Variants in WDR45B observed in about 807,000 individuals in gnomAD.
WDR45B encodes the protein WD repeat domain 45B.
WDR45B carries 20 observed loss-of-function variants against 44.6 expected under a neutral mutation model. That is an observed-to-expected ratio of 0.45 (90% CI 0.32 to 0.65). WDR45B has a LOEUF of 0.65. WDR45B is among the 30% of genes least tolerant of loss of function. WDR45B has a pLI of 0.05. For missense variants in WDR45B, 323 were observed against 430.2 expected (o/e 0.75, Z 2.20); for synonymous variants, 169 against 164.9 (o/e 1.02, Z -0.19).
chr17:82,616,477 C>A, intron 9 of WDR45B, 47 bp downstream of exon 9: 1 of 1,612,170 alleles, frequency 6.2e-7, no homozygotes, highest in East Asian at 2.2e-5. Context: ...GTGGATGGAG[C>A]CCAGGTGGGG....
In WDR45B at chr17:82,617,879, C is replaced by T. The variant is rs187946155; in HGVS notation, c.705-482G>A. 8.6e-3 allele frequency among the ~76,000 whole-genome samples: 1,309 copies of T among 152,124 alleles called. 8 individuals carry two copies. Among genetic ancestry groups the T allele is most frequent in the South Asian group, 0.031 (147 of 4,794 alleles). On this transcript the variant is annotated intron_variant, in intron 7 of 9. Transcript: ENST00000392325. ...GGATGTGCTATGCACACCACAAGGC[C>T]CAGGACCTCACAGATAAAGCTGCCG...
intron 4 of WDR45B, 118 bp downstream of exon 4, chr17:82,627,086 G>A: frequency 2.3e-6 from 2 of 866,186 alleles, no homozygotes; most frequent in South Asian, 1.3e-5. Context: ...TAAAAACCAG[G>A]ACCAACATTT....
intron 2 of WDR45B, among the ~76,000 whole-genome samples, chr17:82,633,811 T>G (rs1173677563): frequency 2.0e-5 from 3 of 151,928 alleles, no homozygotes; most frequent in African/African-American, 4.8e-5. Flanking sequence ...GGCCAGGAGT[T>G]TAAGATCAGC....
Position 82,625,476 on chromosome 17 carries a change from C to T in WDR45B, c.340G>A (p.Val114Met). ...AVKLRRDRIV[V>M]VLDSMIKVFT... ...ACCTTAATCATGGAGTCCAAAACCA[C>T]CACAATTCTGGAAAGAAAAACATGA... is the stretch of plus-strand genomic sequence containing the variant. The change falls in exon 5 of 10, where the codon GTG becomes ATG. Residue 114 changes from valine (V) to methionine (M), a missense_variant. Physicochemically the swap from Val to Met is conservative, Grantham distance 21. Transcript: ENST00000392325. 1.9e-6 allele frequency: 3 copies of T among 1,614,168 alleles called. No homozygotes were observed. Among genetic ancestry groups the T allele is most frequent in the Non-Finnish European group, 2.5e-6 (3 of 1,180,010 alleles).
At chr17:82,647,970 C>G (rs1237702254) in intron 1 of WDR45B, among the ~76,000 whole-genome samples, 5 of 141,610 alleles carry the variant, frequency 3.5e-5, no homozygotes, top group African/African-American at 1.0e-4. Context: ...GGTTCTGTGC[C>G]GTCTCCCACC....
At chr17:82,648,122 G>A in intron 1 of WDR45B, 152 bp downstream of exon 1, 1 of 887,220 alleles carries the variant, frequency 1.1e-6, no homozygotes, top group Non-Finnish European at 1.6e-6. Context: ...CGAGGGCCGG[G>A]GCCGGGGGCT....
Position 82,630,920 on chromosome 17 carries a change from C to T in WDR45B, c.244+1G>A. ...GATTCTTCAATACACAATTACAGTA[C>T]CTTTGTTGGGAGGGTATTTCGGCTT... On this transcript the variant is annotated splice_donor_variant, in intron 3 of 9. Coordinates refer to ENST00000392325, the MANE Select transcript of WDR45B (RefSeq NM_019613.4). LOFTEE classifies it high-confidence loss of function. The T allele has an allele frequency of 6.2e-7, 1 of 1,611,862 alleles. No individual in the cohort carries two copies. Among genetic ancestry groups the T allele is most frequent in the South Asian group, 1.1e-5 (1 of 90,986 alleles).
At chr17:82,622,329 C>G (rs1568003868) in intron 5 of WDR45B, among the ~76,000 whole-genome samples, 1 of 152,198 alleles carries the variant, frequency 6.6e-6, no homozygotes, top group African/African-American at 2.4e-5. Flanking sequence ...TCTAACTCAT[C>G]TACAGTCAGT....
chr17:82,617,022 A>T (rs1217280962), intron 8 of WDR45B, among the ~76,000 whole-genome samples: 2 of 152,148 alleles, frequency 1.3e-5, no homozygotes, highest in African/African-American at 4.8e-5. Flanking sequence ...TCACCATGTT[A>T]GCCAGGATGG....
At chr17:82,620,839 ATG>A (rs1467588937) in intron 6 of WDR45B, among the ~76,000 whole-genome samples, 9 of 152,200 alleles carry the variant, frequency 5.9e-5, no homozygotes, top group Admixed American at 3.3e-4. Context: ...TCAAAGGACA[ATG>A]TGTCCAATAC....
intron 2 of WDR45B, among the ~76,000 whole-genome samples, chr17:82,639,431 G>C (rs564769686): frequency 2.6e-5 from 4 of 151,950 alleles, no homozygotes; most frequent in Non-Finnish European, 5.9e-5. Context: ...ACTCCACAAG[G>C]CTCTACCAAT....
intron 4 of WDR45B, 147 bp downstream of exon 4, chr17:82,627,057 C>A (rs1032086286): frequency 1.6e-5 from 12 of 769,284 alleles, no homozygotes; most frequent in Non-Finnish European, 2.1e-5. Context: ...TATAAATAAT[C>A]CTTATATCCT....
intron 6 of WDR45B, among the ~76,000 whole-genome samples, chr17:82,619,368 C>T (rs1408329448): frequency 6.6e-6 from 1 of 152,124 alleles, no homozygotes; most frequent in Non-Finnish European, 1.5e-5. Flanking sequence ...CTTCCAGAGA[C>T]AACCTCCTGA....
intron 5 of WDR45B, among the ~76,000 whole-genome samples, chr17:82,622,618 G>C (rs1418836423): frequency 6.6e-6 from 1 of 152,084 alleles, no homozygotes; most frequent in Non-Finnish European, 1.5e-5. Flanking sequence ...ATTTTTAGTA[G>C]AGATGGGATT....
At chr17:82,616,239 G>A (rs941073650) in intron 9 of WDR45B, among the ~76,000 whole-genome samples, 3 of 152,176 alleles carry the variant, frequency 2.0e-5, no homozygotes, top group African/African-American at 7.2e-5. Flanking sequence ...ACCCGGTGTT[G>A]GCTACAGGGT....
Position 82,636,068 on chromosome 17 carries a change from C to T in WDR45B, c.143-5046G>A, listed in dbSNP as rs537762801. 4.6e-5 allele frequency among the ~76,000 whole-genome samples: 7 copies of T among 151,842 alleles called. No homozygotes were observed. In the East Asian group the frequency reaches 1.2e-3, roughly 25 times the overall value. ...CGTCACTGCACTCTAGCCTGGGCAA[C>T]AAGAGTGAAACTTCGTCTCTCAAAT... On this transcript the variant is annotated intron_variant, in intron 2 of 9. Coordinates refer to ENST00000392325, the MANE Select transcript of WDR45B (RefSeq NM_019613.4).
At chr17:82,624,818 C>G (rs959731397) in intron 5 of WDR45B, among the ~76,000 whole-genome samples, 1 of 150,474 alleles carries the variant, frequency 6.6e-6, no homozygotes, top group South Asian at 2.1e-4. Context: ...CAGGGTTTCA[C>G]CGTGTTAGCC....
chr17:82,648,140 G>T, intron 1 of WDR45B, 134 bp downstream of exon 1: 1 of 1,051,586 alleles, frequency 9.5e-7, no homozygotes, highest in East Asian at 3.1e-5. Flanking sequence ...GCTTCGGAGG[G>T]GAGCTCGGGC....
intron 4 of WDR45B, 126 bp from the exon 5 acceptor site, chr17:82,625,609 G>T: frequency 9.9e-7 from 1 of 1,010,500 alleles, no homozygotes; most frequent in Admixed American, 2.0e-5. Flanking sequence ...GAGTGTTCCT[G>T]AAGAAAAAGC....
Sources: gnomAD v4.1 joint callset for allele counts (sites outside exome capture counted in the v4.1 genomes callset) on GRCh38, gnomAD v4.1.1 for gene constraint, MANE v1.5 for transcripts, NCBI Gene and HGNC (gene_info 2026-07-23, HGNC 2026-07-21) for gene names.